Variants in NIBAN1 observed in about 807,000 individuals in gnomAD.
The protein encoded by NIBAN1 is niban apoptosis regulator 1.
Under a neutral mutation model 75.1 loss-of-function variants are expected in NIBAN1, and 81 were observed. That is an observed-to-expected ratio of 1.08 (90% CI 0.90 to 1.30). The LOEUF is 1.30. NIBAN1 is among the 50% of genes most tolerant of loss of function. NIBAN1 has a pLI of 0.00. For synonymous variants in NIBAN1, 436 were observed against 424.8 expected, an observed-to-expected ratio of 1.03 and a Z score of -0.32; for missense variants, 1,133 against 1,128.1, an observed-to-expected ratio of 1.00 and a Z score of -0.06.
In NIBAN1 at chr1:184,795,402, AT is replaced by A; in HGVS notation, c.2361del (p.Pro789GlnfsTer3). On this transcript the variant is annotated frameshift_variant, in exon 14 of 14. Coordinates refer to ENST00000367511, the MANE Select transcript of NIBAN1 (RefSeq NM_052966.4). LOFTEE classifies it low-confidence loss of function (END_TRUNC). ...CPEAHGEELG[G>X]FPEVGSPASP... ...GAGGCTGGGCTGCCTACCTCTGGAAATCCCCCCAACTCCTCCCCATGGGCCT... is the reference window on the plus strand; with the variant it reads ...GAGGCTGGGCTGCCTACCTCTGGAAACCCCCCAACTCCTCCCCATGGGCCT... 2 of 1,606,460 alleles carry A rather than the reference AT, an allele frequency of 1.2e-6. No individual in the cohort carries two copies.
chr1:184,842,195 T>C (rs1459656807), intron 5 of NIBAN1, among the ~76,000 whole-genome samples: 1 of 152,204 alleles, frequency 6.6e-6, no homozygotes, highest in East Asian at 1.9e-4. Flanking sequence ...TTCCCTACTG[T>C]TGTAAAGAGA....
chr1:184,856,979 AG>A (rs904879458), intron 5 of NIBAN1, among the ~76,000 whole-genome samples: 1 of 152,178 alleles, frequency 6.6e-6, no homozygotes, highest in African/African-American at 2.4e-5. Flanking sequence ...CTCAAGGCAA[AG>A]GAAGAGCGTG....
chr1:184,860,164 T>C (rs1399395377), intron 5 of NIBAN1, among the ~76,000 whole-genome samples: 1 of 150,846 alleles, frequency 6.6e-6, no homozygotes, highest in Non-Finnish European at 1.5e-5. Context: ...AGGACTAATA[T>C]AGGCCCAGAC....
At chr1:184,837,740 A>T (rs1655177203) in intron 5 of NIBAN1, among the ~76,000 whole-genome samples, 2 of 152,290 alleles carry the variant, frequency 1.3e-5, no homozygotes, top group South Asian at 2.1e-4. Context: ...CTATTGAGCC[A>T]AAGTCTGTTT....
At chr1:184,909,254 A>G (rs1303654084) in intron 1 of NIBAN1, among the ~76,000 whole-genome samples, 1 of 152,140 alleles carries the variant, frequency 6.6e-6, no homozygotes, top group Non-Finnish European at 1.5e-5. Context: ...CCCTTCCAAC[A>G]CATCAGGTTC....
intron 5 of NIBAN1, among the ~76,000 whole-genome samples, chr1:184,883,155 A>C (rs1320968887): frequency 2.0e-5 from 3 of 152,222 alleles, no homozygotes; most frequent in Non-Finnish European, 4.4e-5. Context: ...CAGTGAAATT[A>C]ACCATATTAG....
At chr1:184,958,819 T>C (rs1658556182) in intron 1 of NIBAN1, among the ~76,000 whole-genome samples, 2 of 152,260 alleles carry the variant, frequency 1.3e-5, no homozygotes, top group Non-Finnish European at 2.9e-5. Context: ...ACTAATTTAA[T>C]TCTCCTCTCT....
intron 1 of NIBAN1, among the ~76,000 whole-genome samples, chr1:184,906,054 A>G (rs544155637): frequency 6.6e-6 from 1 of 151,484 alleles, no homozygotes; most frequent in African/African-American, 2.4e-5. Context: ...CCTGGACAAC[A>G]TAGAGAGACC....
chr1:184,806,579 A>G (rs1029197455), intron 10 of NIBAN1, among the ~76,000 whole-genome samples: 1 of 152,082 alleles, frequency 6.6e-6, no homozygotes, highest in African/African-American at 2.4e-5. Flanking sequence ...ACCAGGGTCC[A>G]GTATTACGAA....
rs529680480 is a variant in NIBAN1, at chr1:184,795,265, G to A, written c.2499C>T (p.Thr833=). 14 of 1,613,094 alleles carry A rather than the reference G, an allele frequency of 8.7e-6. No homozygotes were observed. Among genetic ancestry groups the A allele is most frequent in the East Asian group, 2.2e-5 (1 of 44,884 alleles). The change falls in exon 14 of 14, where the codon ACC becomes ACT. Residue 833 remains threonine, a synonymous_variant. Coordinates refer to ENST00000367511, the MANE Select transcript of NIBAN1 (RefSeq NM_052966.4). ...TAHEGRGGKC[T]EEGDASQQEG... ...CTTGCTGTGAGGCATCCCCTTCCTC[G>A]GTACACTTGCCCCCTCTTCCTTCAT... is the stretch of plus-strand genomic sequence containing the variant.
chr1:184,831,766 T>G, intron 6 of NIBAN1, 81 bp downstream of exon 6: 2 of 978,402 alleles, frequency 2.0e-6, no homozygotes, highest in Non-Finnish European at 3.2e-6. Flanking sequence ...TCTGTTTGAT[T>G]GTTTAATAAA....
chr1:184,824,679 A>G (rs1476514056), intron 6 of NIBAN1, among the ~76,000 whole-genome samples: 2 of 152,198 alleles, frequency 1.3e-5, no homozygotes, highest in East Asian at 3.8e-4. Context: ...TAACCATACA[A>G]TTGGAAATAC....
At position 184,794,744 on chromosome 1, in the gene NIBAN1, T is replaced by C. The variant is rs1334082817; in HGVS notation, c.*233A>G. The stretch of plus-strand genomic sequence containing the variant: ...GCTCCCTCTCACCCCAAGTATGCCA[T>C]TGTCTTTGTAATTCTTATTAAAATA... On this transcript the variant is annotated 3_prime_UTR_variant, in exon 14 of 14. Transcript: ENST00000367511. 6.8e-6 allele frequency: 4 copies of C among 592,054 alleles called. No homozygotes were observed. In the Admixed American group the frequency reaches 8.5e-5, roughly 13 times the overall value. The allele number at this position is 592,054 out of a possible 1,614,324, so 36.7% of individuals were successfully genotyped here. A position where few individuals can be genotyped will look rare whatever the true frequency, so the allele number is the denominator to read the frequency against.
At chr1:184,804,683 C>T (rs1008848593) in intron 11 of NIBAN1, among the ~76,000 whole-genome samples, 5 of 151,836 alleles carry the variant, frequency 3.3e-5, no homozygotes, top group Admixed American at 2.0e-4. Context: ...TCTTTCTGTA[C>T]GCTAAAGCAT....
intron 3 of NIBAN1, among the ~76,000 whole-genome samples, chr1:184,891,977 C>A (rs555536184): frequency 6.6e-6 from 1 of 152,012 alleles, no homozygotes; most frequent in African/African-American, 2.4e-5. Flanking sequence ...CAGTTAAAAA[C>A]GATGAACAAA....
Position 184,794,604 on chromosome 1 carries a change from C to T in NIBAN1, c.*373G>A. 2.9e-6 allele frequency: 1 copy of T among 340,150 alleles called. No homozygotes were observed. Among genetic ancestry groups the T allele is most frequent in the South Asian group, 2.6e-5 (1 of 39,060 alleles). The allele number at this position is 340,150 out of a possible 1,614,324, so 21.1% of individuals were successfully genotyped here. A position where few individuals can be genotyped will look rare whatever the true frequency, so the allele number is the denominator to read the frequency against. ...TGCATTCTCAAACAAAATTAAAAAG[C>T]CTTAAAGTGCACAAGAAGATTGCAC... On this transcript the variant is annotated 3_prime_UTR_variant, in exon 14 of 14. Transcript: ENST00000367511.
At chr1:184,809,176 G>T (rs1302069886) in intron 9 of NIBAN1, among the ~76,000 whole-genome samples, 1 of 152,126 alleles carries the variant, frequency 6.6e-6, no homozygotes, top group Non-Finnish European at 1.5e-5. Flanking sequence ...CTCTAAACAG[G>T]AATTTTAAGA....
intron 1 of NIBAN1, among the ~76,000 whole-genome samples, chr1:184,911,428 A>G (rs1467742338): frequency 6.6e-6 from 1 of 152,236 alleles, no homozygotes; most frequent in East Asian, 1.9e-4. Context: ...GTCAGCAAAA[A>G]GGTATAGACC....
intron 1 of NIBAN1, among the ~76,000 whole-genome samples, chr1:184,923,162 C>T (rs986395328): frequency 2.6e-5 from 4 of 152,090 alleles, no homozygotes; most frequent in Non-Finnish European, 5.9e-5. Context: ...TAGAGAGTTT[C>T]CCTAATGTTT....
Sources: gnomAD v4.1 joint callset for allele counts (sites outside exome capture counted in the v4.1 genomes callset) on GRCh38, gnomAD v4.1.1 for gene constraint, MANE v1.5 for transcripts, NCBI Gene and HGNC (gene_info 2026-07-23, HGNC 2026-07-21) for gene names.